Variants in GRB10 observed in about 807,000 individuals in gnomAD.
The protein encoded by GRB10 is growth factor receptor bound protein 10.
In GRB10, 20 loss-of-function variants were observed where a neutral mutation model predicts 80.9. That is an observed-to-expected ratio of 0.25 (90% CI 0.17 to 0.36). GRB10 has a LOEUF of 0.36. Ranked by LOEUF, GRB10 falls within the 10% of genes least tolerant of loss-of-function variation. GRB10 has a pLI of 1.00. For missense variants in GRB10, 548 were observed against 747.7 expected, an observed-to-expected ratio of 0.73 and a Z score of 3.12; for synonymous variants, 291 against 291.5, an observed-to-expected ratio of 1.00 and a Z score of 0.02.
Position 50,732,456 on chromosome 7 carries a change from A to C in GRB10, c.-46-88T>G. On this transcript the variant is annotated intron_variant, in intron 3 of 18. Transcript: ENST00000401949. ...GGCTGGTTCAAGTGTGACATGTCTG[A>C]ATGGGCAGCTCTTGGTCTTAGCTTG... is the stretch of plus-strand genomic sequence containing the variant. The C allele has an allele frequency of 3.7e-6, 3 of 812,878 alleles. No homozygotes were observed. In the South Asian group the frequency reaches 4.4e-5, roughly 12 times the overall value. The allele number at this position is 812,878 out of a possible 1,614,324, so 50.4% of individuals were successfully genotyped here. A position where few individuals can be genotyped will look rare whatever the true frequency, so the allele number is the denominator to read the frequency against.
intron 4 of GRB10, among the ~76,000 whole-genome samples, chr7:50,721,298 G>C (rs376054605): frequency 2.0e-5 from 3 of 152,152 alleles, no homozygotes; most frequent in Non-Finnish European, 4.4e-5. Flanking sequence ...GCACCAACCC[G>C]CTTTGTCCTG....
chr7:50,637,109 C>T (rs2055195281), intron 7 of GRB10, among the ~76,000 whole-genome samples: 1 of 152,122 alleles, frequency 6.6e-6, no homozygotes, highest in Non-Finnish European at 1.5e-5. Context: ...CCCCAAGTAG[C>T]TGGGACTACA....
intron 7 of GRB10, among the ~76,000 whole-genome samples, chr7:50,652,047 G>C (rs2058059067): frequency 6.6e-6 from 1 of 152,180 alleles, no homozygotes; most frequent in South Asian, 2.1e-4. Context: ...GAAGGGCCCT[G>C]ATCTATTCTG....
At chr7:50,661,429 T>C (rs2059259960) in intron 7 of GRB10, among the ~76,000 whole-genome samples, 1 of 152,182 alleles carries the variant, frequency 6.6e-6, no homozygotes, top group Non-Finnish European at 1.5e-5. Context: ...AATGGAAAAA[T>C]GTGCTCTAAA....
intron 2 of GRB10, among the ~76,000 whole-genome samples, chr7:50,773,124 A>C (rs1192117948): frequency 6.6e-6 from 1 of 152,146 alleles, no homozygotes; most frequent in Non-Finnish European, 1.5e-5. Flanking sequence ...GAACTTGTGC[A>C]GAGAAACTCC....
At chr7:50,773,248 G>A (rs544440424) in intron 2 of GRB10, among the ~76,000 whole-genome samples, 2 of 151,872 alleles carry the variant, frequency 1.3e-5, no homozygotes, top group African/African-American at 4.8e-5. Flanking sequence ...CATAGCATGT[G>A]GAAATTATGG....
intron 5 of GRB10, among the ~76,000 whole-genome samples, chr7:50,679,521 C>T (rs2061329250): frequency 6.6e-6 from 1 of 152,164 alleles, no homozygotes; most frequent in Admixed American, 6.5e-5. Flanking sequence ...GATTTGGCAA[C>T]ATAAGGACAT....
intron 4 of GRB10, among the ~76,000 whole-genome samples, chr7:50,726,697 CATA>C (rs1189851509): frequency 6.6e-6 from 1 of 152,114 alleles, no homozygotes; most frequent in African/African-American, 2.4e-5. Flanking sequence ...AGGGACAATA[CATA>C]ATAATCTTTA....
At chr7:50,599,788 G>A (rs2047292733) in intron 17 of GRB10, among the ~76,000 whole-genome samples, 1 of 152,170 alleles carries the variant, frequency 6.6e-6, no homozygotes, top group South Asian at 2.1e-4. Flanking sequence ...ATGGCTGGGG[G>A]AAGCAAAACG....
At chr7:50,675,677 T>C (rs1001132274) in intron 5 of GRB10, among the ~76,000 whole-genome samples, 13 of 152,166 alleles carry the variant, frequency 8.5e-5, no homozygotes, top group African/African-American at 3.1e-4. Flanking sequence ...CCTGCAGATT[T>C]TGGACTTGCT....
rs147883342 is a variant in GRB10 at position 50,661,053 on chromosome 7, C to A, written c.504+8669G>T. On this transcript the variant is annotated intron_variant, in intron 7 of 18. Coordinates refer to ENST00000401949, the MANE Select transcript of GRB10 (RefSeq NM_001350814.2). ...GAAGGGGCTAAAGGATGGAGGAAGT[C>A]CATCCTCAGCAAGGCCCACCAGCAA... Among the ~76,000 whole-genome samples the A allele has an allele frequency of 4.2e-3, 634 of 152,334 alleles. 6 individuals carry two copies. Among genetic ancestry groups the A allele is most frequent in the Admixed American group, 6.3e-3 (96 of 15,302 alleles).
rs549036844 is a variant in GRB10, at chr7:50,698,800, A to G, written c.139+5021T>C. Among the ~76,000 whole-genome samples the G allele has an allele frequency of 9.2e-5, 14 of 152,360 alleles. No individual in the cohort carries two copies. The East Asian group carries it at 2.5e-3, about 27-fold the overall frequency. On this transcript the variant is annotated intron_variant, in intron 5 of 18. Coordinates refer to ENST00000401949, the MANE Select transcript of GRB10 (RefSeq NM_001350814.2). ...TTCTTGAGTTTCACTCTTTCTTATT[A>G]AAGTTAGGAAACATTTTTCAAGTCA...
chr7:50,616,178 T>C (rs1563166956), intron 11 of GRB10, 32 bp downstream of exon 11: 2 of 1,614,044 alleles, frequency 1.2e-6, no homozygotes, highest in Non-Finnish European at 1.7e-6. Context: ...GTGGCAGAAT[T>C]AGGGCTGGTG....
At chr7:50,675,191 T>C (rs1394883034) in intron 5 of GRB10, among the ~76,000 whole-genome samples, 2 of 152,236 alleles carry the variant, frequency 1.3e-5, no homozygotes, top group Non-Finnish European at 2.9e-5. Flanking sequence ...TGTGTGTGGC[T>C]GCTACTACAA....
In GRB10 at chr7:50,707,409, C is replaced by T. The variant is rs7809131; in HGVS notation, c.52-3501G>A. 5.8e-3 allele frequency among the ~76,000 whole-genome samples: 878 copies of T among 152,316 alleles called. 4 individuals carry two copies. The highest frequency in any genetic ancestry group is 0.02 in the African/African-American group (817 of 41,560). ...AAGTGTTTCTCAGCCACCTCCTCAC[C>T]GGTTCCACAGAGCTGCCCGCTCCCG... On this transcript the variant is annotated intron_variant, in intron 4 of 18. Coordinates refer to ENST00000401949, the MANE Select transcript of GRB10 (RefSeq NM_001350814.2).
chr7:50,728,916 C>A (rs1031952949), intron 4 of GRB10, among the ~76,000 whole-genome samples: 1 of 152,216 alleles, frequency 6.6e-6, no homozygotes, highest in African/African-American at 2.4e-5. Flanking sequence ...AGTGGTCCAC[C>A]CGCCTCTGCC....
chr7:50,612,646 T>TA (rs775437046), intron 13 of GRB10, 95 bp downstream of exon 13: 3 of 792,258 alleles, frequency 3.8e-6, no homozygotes, highest in East Asian at 5.2e-5. Context: ...GCGGAAAAGT[T>TA]ACGAGCATTT....
At chr7:50,649,987 C>A (rs1340660206) in intron 7 of GRB10, among the ~76,000 whole-genome samples, 1 of 152,132 alleles carries the variant, frequency 6.6e-6, no homozygotes, top group East Asian at 1.9e-4. Flanking sequence ...GGGTCATGAG[C>A]AGAGAGATGG....
chr7:50,593,255 G>C lies in GRB10; in HGVS notation c.1639-157C>G, dbSNP rs562380117. Reference sequence around the variant, plus strand: ...GAAAACACCAGGGGCGGGAAAGACGGGAGCAGAGGATGTGTGCTGGGGGCT... The same window carrying C: ...GAAAACACCAGGGGCGGGAAAGACGCGAGCAGAGGATGTGTGCTGGGGGCT... On this transcript the variant is annotated intron_variant, in intron 18 of 18. Coordinates refer to ENST00000401949, the MANE Select transcript of GRB10 (RefSeq NM_001350814.2). 7.2e-5 allele frequency among the ~76,000 whole-genome samples: 11 copies of C among 152,238 alleles called. 2 individuals carry two copies. Among genetic ancestry groups the C allele is most frequent in the African/African-American group, 2.6e-4 (11 of 41,546 alleles).
Sources: gnomAD v4.1 joint callset for allele counts (sites outside exome capture counted in the v4.1 genomes callset) on GRCh38, gnomAD v4.1.1 for gene constraint, MANE v1.5 for transcripts, NCBI Gene and HGNC (gene_info 2026-07-23, HGNC 2026-07-21) for gene names.